The following CDKL5 variants were observed in gnomAD, a reference collection of about 807,000 sequenced individuals.
The protein encoded by CDKL5 is cyclin-dependent kinase-like 5.
CDKL5 carries 8 observed loss-of-function variants against 61.7 expected under a neutral mutation model. The observed-to-expected ratio is 0.13, with a 90% CI of 0.08 to 0.23. CDKL5 has a LOEUF of 0.23. Ranked by LOEUF, CDKL5 falls within the 10% of genes least tolerant of loss-of-function variation. CDKL5 has a pLI of 1.00. For synonymous variants in CDKL5, 275 were observed against 272.3 expected (o/e 1.01, Z -0.10); for missense variants, 440 against 734.5 (o/e 0.60, Z 4.63).
Position 18,632,300 on chromosome X carries a change from G to T in CDKL5, c.*3543G>T, listed in dbSNP as rs1430284372. 2.0e-5 allele frequency: 15 copies of T among 750,590 alleles called. No individual in the cohort carries two copies. Among genetic ancestry groups the T allele is most frequent in the Non-Finnish European group, 2.4e-5 (15 of 637,114 alleles). 61.9% of individuals were successfully genotyped at this position (750,590 alleles called of 1,213,427 possible). ...CTAAAAGGTGCATACTTTGGAAGGA[G>T]ACCAGAGTTACTTTATAGGTGTTGG... On this transcript the variant is annotated 3_prime_UTR_variant, in exon 18 of 18. Coordinates refer to ENST00000623535, the MANE Select transcript of CDKL5 (RefSeq NM_001323289.2).
In CDKL5 at chrX:18,636,825, A is replaced by G. The variant is rs936755459; in HGVS notation, c.*8068A>G. 3 of 112,430 alleles carry G rather than the reference A, an allele frequency of 2.7e-5. No individual in the cohort carries two copies. The highest frequency in any genetic ancestry group is 1.9e-4 in the Admixed American group (2 of 10,640). The allele number at this position is 112,430 out of a possible 1,213,427, so 9.3% of individuals were successfully genotyped here. A position where few individuals can be genotyped will look rare whatever the true frequency, so the allele number is the denominator to read the frequency against. ...GTAACAAGTCCCCACGATGTATAAC[A>G]TATTCTTCTCTAAAAGCTCACAACA... On this transcript the variant is annotated 3_prime_UTR_variant, in exon 18 of 18. Coordinates refer to ENST00000623535, the MANE Select transcript of CDKL5 (RefSeq NM_001323289.2).
intron 8 of CDKL5, among the ~76,000 whole-genome samples, chrX:18,584,785 A>G (rs1450119664): frequency 5.3e-5 from 6 of 112,193 alleles, no homozygotes; most frequent in Non-Finnish European, 1.1e-4. Flanking sequence ...AAGCAACAGC[A>G]GCTTTCAAGC....
intron 4 of CDKL5, among the ~76,000 whole-genome samples, chrX:18,567,902 A>G (rs1041717145): frequency 9.0e-6 from 1 of 111,506 alleles, no homozygotes; most frequent in Non-Finnish European, 1.9e-5. Context: ...AGGCTTTACT[A>G]CACCCAACTT....
intron 1 of CDKL5, among the ~76,000 whole-genome samples, chrX:18,431,055 G>C (rs1000871016): frequency 1.8e-5 from 2 of 108,324 alleles, no homozygotes; most frequent in African/African-American, 6.7e-5. Flanking sequence ...GTAGAGACGG[G>C]GTTTCACCAT....
intron 3 of CDKL5, among the ~76,000 whole-genome samples, chrX:18,549,707 G>T (rs908446918): frequency 9.0e-6 from 1 of 111,193 alleles, no homozygotes; most frequent in South Asian, 3.8e-4. Flanking sequence ...CAGGCAGGTG[G>T]TCAGGTATAT....
At chrX:18,610,284 C>T (rs1010052395) in intron 14 of CDKL5, among the ~76,000 whole-genome samples, 8 of 112,713 alleles carry the variant, frequency 7.1e-5, no homozygotes, top group Non-Finnish European at 1.3e-4. Context: ...GTGCCCTCCT[C>T]TGGCCTGTAA....
At chrX:18,524,720 G>T (rs1004535143) in intron 3 of CDKL5, among the ~76,000 whole-genome samples, 3 of 112,055 alleles carry the variant, frequency 2.7e-5, no homozygotes, top group Non-Finnish European at 5.6e-5. Context: ...TCTTCTGGAA[G>T]TTTTATACAT....
intron 1 of CDKL5, among the ~76,000 whole-genome samples, chrX:18,482,097 G>A (rs757642094): frequency 1.4e-4 from 16 of 111,311 alleles, no homozygotes; most frequent in Non-Finnish European, 2.4e-4. Context: ...ATATTGCTGC[G>A]TTTGCCCCAT....
chrX:18,441,677 C>T (rs1749120182), intron 1 of CDKL5, among the ~76,000 whole-genome samples: 1 of 111,103 alleles, frequency 9.0e-6, no homozygotes, highest in South Asian at 3.8e-4. Context: ...TTCAAATTCT[C>T]TTAGAGATAC....
chrX:18,590,763 G>T (rs192099814), intron 9 of CDKL5, among the ~76,000 whole-genome samples: 110 of 112,004 alleles, frequency 9.8e-4, no homozygotes, highest in African/African-American at 3.5e-3. Flanking sequence ...CATACTAGGT[G>T]TTGGAAATAT....
intron 3 of CDKL5, among the ~76,000 whole-genome samples, chrX:18,531,943 T>A (rs2147109728): frequency 9.2e-6 from 1 of 108,655 alleles, no homozygotes; most frequent in African/African-American, 3.4e-5. Flanking sequence ...CCTGACCTCG[T>A]GATCCACCCG....
intron 1 of CDKL5, among the ~76,000 whole-genome samples, chrX:18,441,804 C>G (rs1931751619): frequency 9.0e-6 from 1 of 111,328 alleles, no homozygotes; most frequent in Non-Finnish European, 1.9e-5. Context: ...TTGATTTTCT[C>G]CCGTCCCTTT....
At chrX:18,586,555 T>G (rs751970782) in intron 8 of CDKL5, among the ~76,000 whole-genome samples, 1 of 112,259 alleles carries the variant, frequency 8.9e-6, no homozygotes, top group Non-Finnish European at 1.9e-5. Flanking sequence ...GGGGACAATG[T>G]AACTAAATTA....
intron 1 of CDKL5, chrX:18,497,459 A>G (rs1244757743): frequency 9.0e-6 from 1 of 111,592 alleles, no homozygotes; most frequent in Non-Finnish European, 1.9e-5. Flanking sequence ...AACATAGTGC[A>G]TTATGTGGTG....
rs775626286 is a variant in CDKL5 at position 18,463,677 on chromosome X, C to T, written c.-163+37982C>T. On this transcript the variant is annotated intron_variant, in intron 1 of 17. Transcript: ENST00000623535. Reference sequence around the variant, plus strand: ...AACATCCTGTCCACATTAGTTGTTACAGAGGAAATCTGGGGCAAAACAGTT... The same window carrying T: ...AACATCCTGTCCACATTAGTTGTTATAGAGGAAATCTGGGGCAAAACAGTT... 2.7e-5 allele frequency among the ~76,000 whole-genome samples: 3 copies of T among 112,163 alleles called. No homozygotes were observed. In the South Asian group the frequency reaches 1.1e-3, roughly 41 times the overall value.
intron 1 of CDKL5, among the ~76,000 whole-genome samples, chrX:18,465,368 C>T (rs146843824): frequency 0.023 from 2,604 of 111,720 alleles, 78 homozygotes; most frequent in African/African-American, 0.079. Context: ...TTTATGTATA[C>T]ATTTTTAAAT....
chrX:18,530,204 C>T (rs1414079571), intron 3 of CDKL5, among the ~76,000 whole-genome samples: 9 of 107,475 alleles, frequency 8.4e-5, no homozygotes, highest in East Asian at 2.9e-4. Flanking sequence ...TGGTGGTGCA[C>T]GCCTGTAATC....
At chrX:18,538,603 C>T (rs1417345944) in intron 3 of CDKL5, among the ~76,000 whole-genome samples, 1 of 111,799 alleles carries the variant, frequency 8.9e-6, no homozygotes, top group East Asian at 2.8e-4. Context: ...AATTTTTGTA[C>T]AAGGTGTGAG....
At chrX:18,611,439 C>CA (rs1350028134) in intron 14 of CDKL5, among the ~76,000 whole-genome samples, 683 of 39,272 alleles carry the variant, frequency 0.017, 5 homozygotes, top group African/African-American at 0.046. Flanking sequence ...CGTCTCAAAA[C>CA]AAAAAAAAAA....
Sources: allele counts gnomAD v4.1 joint callset (sites outside exome capture counted in the v4.1 genomes callset), GRCh38; gene constraint gnomAD v4.1.1; transcripts MANE v1.5; gene names NCBI Gene and HGNC (gene_info 2026-07-23, HGNC 2026-07-21).